ACTR3C: variants seen among roughly 807,000 people sequenced by gnomAD.
ACTR3C encodes actin related protein 3C.
ACTR3C carries 18 observed loss-of-function variants against 26.3 expected under a neutral mutation model. That is an observed-to-expected ratio of 0.68 (90% confidence interval 0.47 to 1.01). ACTR3C has a LOEUF of 1.01. Among genes scored for constraint, ACTR3C ranks in the 50% least tolerant of loss-of-function variants. The probability of loss-of-function intolerance (pLI) is 0.00; values close to 1 mark genes in which losing one functional copy is unlikely to be tolerated. For missense variants in ACTR3C, 184 were observed against 250.7 expected (o/e 0.73, Z 1.80); for synonymous variants, 55 against 94.5 (o/e 0.58, Z 2.42).
chr7:149,888,591 C>G, the ACTR3C span, among the ~76,000 whole-genome samples: 3 of 152,072 alleles, frequency 2.0e-5, no homozygotes, highest in African/African-American at 7.2e-5. Context: ...TATAGAAGTT[C>G]TTTATATATT....
At chr7:149,996,598 T>TA in the ACTR3C span, among the ~76,000 whole-genome samples, 2 of 151,912 alleles carry the variant, frequency 1.3e-5, no homozygotes, top group African/African-American at 4.8e-5. Flanking sequence ...AATAAATAAA[T>TA]AAAAAATAAA....
chr7:149,889,532 T>C, the ACTR3C span, among the ~76,000 whole-genome samples: 383 of 152,286 alleles, frequency 2.5e-3, 3 homozygotes, highest in African/African-American at 8.7e-3. Flanking sequence ...GTGAAAAATA[T>C]ACTTAGCCCC....
chr7:150,271,201 T>C (rs1412242383), intron 6 of ACTR3C, among the ~76,000 whole-genome samples: 1 of 136,408 alleles, frequency 7.3e-6, no homozygotes, highest in Non-Finnish European at 1.5e-5. Flanking sequence ...TTTAAATTAT[T>C]ATTATACTTT....
the ACTR3C span, among the ~76,000 whole-genome samples, chr7:149,946,572 C>A: frequency 1.3e-5 from 2 of 152,196 alleles, no homozygotes; most frequent in African/African-American, 4.8e-5. Context: ...GTTTCCAGGG[C>A]TTCCTCTGTA....
chr7:150,045,819 G>A, the ACTR3C span, among the ~76,000 whole-genome samples: 2 of 152,186 alleles, frequency 1.3e-5, no homozygotes, highest in African/African-American at 4.8e-5. Flanking sequence ...GCGACACCTA[G>A]AGCCTGTTGA....
intron 6 of ACTR3C, among the ~76,000 whole-genome samples, chr7:150,277,153 G>A (rs1356690737): frequency 6.6e-6 from 1 of 152,064 alleles, no homozygotes; most frequent in African/African-American, 2.4e-5. Context: ...GGACTTGCCA[G>A]CCTGAAAGCA....
the ACTR3C span, among the ~76,000 whole-genome samples, chr7:150,035,759 G>A: frequency 1.1e-4 from 13 of 120,602 alleles, no homozygotes; most frequent in South Asian, 2.7e-4. Context: ...CGGGGGGTGC[G>A]TCCCCCCTCT....
At chr7:150,089,829 G>C in the ACTR3C span, among the ~76,000 whole-genome samples, 1 of 152,160 alleles carries the variant, frequency 6.6e-6, no homozygotes, top group African/African-American at 2.4e-5. Flanking sequence ...AAATGGAATT[G>C]GGCACAAGTC....
chr7:150,152,965 C>T, the ACTR3C span, among the ~76,000 whole-genome samples: 1 of 152,164 alleles, frequency 6.6e-6, no homozygotes, highest in South Asian at 2.1e-4. Context: ...GTTTGTATTT[C>T]TGTGGGGTCA....
chr7:150,313,974 C>T (rs1416119934), intron 1 of ACTR3C, among the ~76,000 whole-genome samples: 1 of 152,170 alleles, frequency 6.6e-6, no homozygotes, highest in Non-Finnish European at 1.5e-5. Flanking sequence ...ATGAACAACT[C>T]GAGGCAGAGG....
the ACTR3C span, among the ~76,000 whole-genome samples, chr7:150,196,894 T>C: frequency 7.9e-5 from 12 of 152,232 alleles, no homozygotes; most frequent in Non-Finnish European, 1.6e-4. Context: ...TTCTTTGGTC[T>C]TGGGAGTGTG....
chr7:150,135,425 C>T, the ACTR3C span, among the ~76,000 whole-genome samples: 2 of 152,150 alleles, frequency 1.3e-5, no homozygotes, highest in African/African-American at 2.4e-5. Flanking sequence ...CCATGAGGAG[C>T]GCTGCCTAAG....
At chr7:150,203,249 CA>C in the ACTR3C span, among the ~76,000 whole-genome samples, 1 of 152,188 alleles carries the variant, frequency 6.6e-6, no homozygotes, top group South Asian at 2.1e-4. Context: ...AGCATTGCAA[CA>C]GGGGGAGGAT....
the ACTR3C span, among the ~76,000 whole-genome samples, chr7:150,073,257 T>G: frequency 6.6e-6 from 1 of 152,146 alleles, no homozygotes; most frequent in Admixed American, 6.5e-5. Context: ...GTTCCCAGAA[T>G]GCAGAAGACG....
chr7:150,200,758 T>C, the ACTR3C span, among the ~76,000 whole-genome samples: 17 of 152,156 alleles, frequency 1.1e-4, no homozygotes, highest in African/African-American at 4.1e-4. Context: ...AGTTACTTAA[T>C]ATCTCTGAGT....
chr7:150,313,456 C>T (rs1466373870), intron 1 of ACTR3C, among the ~76,000 whole-genome samples: 2 of 152,184 alleles, frequency 1.3e-5, no homozygotes, highest in African/African-American at 2.4e-5. Flanking sequence ...ATTGTGGAGA[C>T]CAAGGTTTTA....
At chr7:150,093,398 C>T in the ACTR3C span, among the ~76,000 whole-genome samples, 2 of 151,296 alleles carry the variant, frequency 1.3e-5, no homozygotes, top group South Asian at 2.1e-4. Context: ...AATGTCTATA[C>T]TCACAGACGT....
At chr7:150,127,139 G>GACACACACAGAC in the ACTR3C span, among the ~76,000 whole-genome samples, 1 of 129,598 alleles carries the variant, frequency 7.7e-6, no homozygotes, top group Non-Finnish European at 1.6e-5. Flanking sequence ...CCTACCATTA[G>GACACACACAGAC]ACACACACAC....
At chr7:149,968,754 T>C in the ACTR3C span, among the ~76,000 whole-genome samples, 16 of 152,206 alleles carry the variant, frequency 1.1e-4, no homozygotes, top group South Asian at 3.3e-3. Flanking sequence ...ATGTGACTGA[T>C]CACTCTGCAG....
Sources: allele counts gnomAD v4.1 joint callset (sites outside exome capture counted in the v4.1 genomes callset), GRCh38; gene constraint gnomAD v4.1.1; transcripts MANE v1.5; gene names NCBI Gene and HGNC (gene_info 2026-07-23, HGNC 2026-07-21).